Variants in ABCC6 observed in about 807,000 individuals in gnomAD.
ABCC6 encodes the protein ATP-binding cassette sub-family C member 6.
In ABCC6, 126 loss-of-function variants were observed where a neutral mutation model predicts 169.5. The ratio of observed to expected loss-of-function variants is 0.74; its 90% CI spans 0.64 to 0.86. ABCC6 has a LOEUF of 0.86. Ranked by LOEUF, ABCC6 falls within the 40% of genes least tolerant of loss-of-function variation. The pLI is 0.00. For missense variants in ABCC6, 1,733 were observed against 1,927.2 expected (o/e 0.90, Z 1.89); for synonymous variants, 752 against 814.7 (o/e 0.92, Z 1.31).
intron 1 of ABCC6, among the ~76,000 whole-genome samples, chr16:16,222,654 C>T (rs979179463): frequency 4.8e-4 from 73 of 151,894 alleles, no homozygotes; most frequent in African/African-American, 1.5e-3. Flanking sequence ...ACTGGGATTA[C>T]AGGCAAGAGC....
rs2047471219 is a variant in ABCC6, at chr16:16,181,479, G to A, written c.2247+933C>T. 1.3e-5 allele frequency among the ~76,000 whole-genome samples: 2 copies of A among 152,172 alleles called. 1 individual carries two copies. Among genetic ancestry groups the A allele is most frequent in the Non-Finnish European group, 2.9e-5 (2 of 68,028 alleles). On this transcript the variant is annotated intron_variant, in intron 17 of 30. Transcript: ENST00000205557. Reference sequence around the variant, plus strand: ...TGTGAAGGTGATAGAAGTGAGGGATGAGCCCTGGGGACTCCTGGGGAGAGC... The same window carrying A: ...TGTGAAGGTGATAGAAGTGAGGGATAAGCCCTGGGGACTCCTGGGGAGAGC...
intron 27 of ABCC6, 33 bp from the exon 28 acceptor site, chr16:16,155,064 A>G (rs1471212568): frequency 6.5e-7 from 1 of 1,540,374 alleles, no homozygotes; most frequent in Non-Finnish European, 8.7e-7. Flanking sequence ...GCCTGCTCTG[A>G]CCAGAGGGTT....
intron 16 of ABCC6, 53 bp from the exon 17 acceptor site, chr16:16,182,641 T>A: frequency 1.9e-6 from 3 of 1,600,910 alleles, no homozygotes; most frequent in Non-Finnish European, 1.7e-6. Flanking sequence ...AGAGGTGGGA[T>A]AGGTTTTGAG....
At chr16:16,219,526 T>C (rs1567548735) in intron 4 of ABCC6, 28 bp downstream of exon 4, 2 of 1,584,710 alleles carry the variant, frequency 1.3e-6, no homozygotes, top group Non-Finnish European at 1.7e-6. Context: ...CATTTTGGTT[T>C]CCCAGGGTGG....
intron 10 of ABCC6, among the ~76,000 whole-genome samples, chr16:16,194,809 T>C (rs534429495): frequency 2.0e-5 from 3 of 152,148 alleles, no homozygotes; most frequent in East Asian, 3.9e-4. Flanking sequence ...CTCAGCCTCC[T>C]GAGTAGCTGG....
intron 9 of ABCC6, among the ~76,000 whole-genome samples, chr16:16,200,128 A>C (rs2152280461): frequency 6.6e-6 from 1 of 151,506 alleles, no homozygotes; most frequent in East Asian, 2.0e-4. Context: ...AGTTATGATG[A>C]GTAACATAAA....
intron 10 of ABCC6, among the ~76,000 whole-genome samples, chr16:16,194,061 G>T (rs200919301): frequency 6.6e-6 from 1 of 152,206 alleles, no homozygotes; most frequent in South Asian, 2.1e-4. Flanking sequence ...TGGGACTGGG[G>T]GGTGTTCCCA....
At chr16:16,206,073 CT>C (rs1462647920) in intron 7 of ABCC6, among the ~76,000 whole-genome samples, 1 of 152,214 alleles carries the variant, frequency 6.6e-6, no homozygotes, top group Non-Finnish European at 1.5e-5. Flanking sequence ...GGAAAGTTTT[CT>C]TTCTGGCTGA....
chr16:16,178,050 G>C lies in ABCC6; in HGVS notation c.2416-424C>G, dbSNP rs998067570. ...AAAGAAAAAAAAAATGTACGGCCGA[G>C]CGCAGTGGCTCATGCCTGTAATCCC... On this transcript the variant is annotated intron_variant, in intron 18 of 30. Transcript: ENST00000205557. Among the ~76,000 whole-genome samples the C allele has an allele frequency of 5.9e-5, 9 of 152,138 alleles. No individual in the cohort carries two copies. The East Asian group carries it at 1.7e-3, about 29-fold the overall frequency.
In ABCC6 at chr16:16,214,432, A is replaced by G. The variant is rs907279661; in HGVS notation, c.492T>C (p.Pro164=). 1.8e-5 allele frequency: 28 copies of G among 1,551,508 alleles called. No homozygotes were observed. The highest frequency in any genetic ancestry group is 2.4e-5 in the East Asian group (1 of 40,976). The change falls in exon 5 of 31, where the codon CCT becomes CCC. Residue 164 remains proline (P), a synonymous_variant. Transcript: ENST00000205557. ...QASGAGFQSD[P]VRHLSTYLCL... is the part of the protein sequence containing the mutation. ...ATAGGTAGGTGGACAGGTGGCGGAC[A>G]GGGTCGCTCTGGAAGCCCTGTGGGA...
chr16:16,183,929 G>A (rs752261674), intron 15 of ABCC6, among the ~76,000 whole-genome samples: 6 of 152,038 alleles, frequency 3.9e-5, no homozygotes, highest in African/African-American at 9.7e-5. Context: ...GGCCGGGCAC[G>A]GTGGCTCATG....
rs183275679 is a variant in ABCC6 at position 16,151,396 on chromosome 16, A to G, written c.4209-624T>C. On this transcript the variant is annotated intron_variant, in intron 29 of 30. Coordinates refer to ENST00000205557, the MANE Select transcript of ABCC6 (RefSeq NM_001171.6). Reference sequence around the variant, plus strand: ...TTGTTTTTTGAGAAATCATCATACTATTTTCCATAGTGACTGTACTAATTT... The same window carrying G: ...TTGTTTTTTGAGAAATCATCATACTGTTTTCCATAGTGACTGTACTAATTT... Among the ~76,000 whole-genome samples, 352 of 152,218 alleles carry G rather than the reference A, an allele frequency of 2.3e-3. 2 individuals carry two copies. The highest frequency in any genetic ancestry group is 7.4e-3 in the African/African-American group (306 of 41,536).
chr16:16,185,586 C>A (rs1596666225), intron 14 of ABCC6, among the ~76,000 whole-genome samples: 1 of 152,134 alleles, frequency 6.6e-6, no homozygotes, highest in Admixed American at 6.5e-5. Context: ...GAGTTTGAGA[C>A]CAGCCTGGCC....
intron 17 of ABCC6, among the ~76,000 whole-genome samples, chr16:16,180,319 C>T (rs1224731585): frequency 6.6e-6 from 1 of 152,144 alleles, no homozygotes; most frequent in Non-Finnish European, 1.5e-5. Context: ...CTGAGATAGT[C>T]ATCACCTCAA....
intron 29 of ABCC6, among the ~76,000 whole-genome samples, chr16:16,152,266 G>A (rs1230117387): frequency 4.1e-5 from 6 of 147,700 alleles, no homozygotes; most frequent in Non-Finnish European, 8.9e-5. Context: ...AGCACCCTTC[G>A]TGGAGGGTGG....
chr16:16,201,540 G>C (rs1301972416), intron 9 of ABCC6, among the ~76,000 whole-genome samples: 1 of 152,120 alleles, frequency 6.6e-6, no homozygotes, highest in Non-Finnish European at 1.5e-5. Flanking sequence ...GACGGGATGA[G>C]GTCAGAGACA....
intron 22 of ABCC6, among the ~76,000 whole-genome samples, chr16:16,168,088 G>C (rs541014715): frequency 6.6e-6 from 1 of 152,212 alleles, no homozygotes; most frequent in African/African-American, 2.4e-5. Flanking sequence ...CAGGCCTGGC[G>C]CCCCCTATTT....
At chr16:16,156,972 G>T (rs1183366749) in intron 27 of ABCC6, among the ~76,000 whole-genome samples, 2 of 149,764 alleles carry the variant, frequency 1.3e-5, no homozygotes, top group African/African-American at 4.9e-5. Flanking sequence ...AATCACAGGA[G>T]AGCAGATTGG....
At chr16:16,155,380 C>T (rs2046519547) in intron 27 of ABCC6, 1 of 372,058 alleles carries the variant, frequency 2.7e-6, no homozygotes, top group Non-Finnish European at 4.9e-6. Context: ...GTCCGTCCAT[C>T]CATCCCTTAT....
Sources: allele counts gnomAD v4.1 joint callset (sites outside exome capture counted in the v4.1 genomes callset), GRCh38; gene constraint gnomAD v4.1.1; transcripts MANE v1.5; gene names NCBI Gene and HGNC (gene_info 2026-07-23, HGNC 2026-07-21).